Variants in NPEPPS observed in about 807,000 individuals in gnomAD.
The protein encoded by NPEPPS is aminopeptidase puromycin sensitive, also known as puromycin-sensitive aminopeptidase.
Under a neutral mutation model 115.5 loss-of-function variants are expected in NPEPPS, and 14 were observed. The ratio of observed to expected loss-of-function variants is 0.12; its 90% CI spans 0.08 to 0.19. The LOEUF is 0.19. Among genes scored for constraint, NPEPPS ranks in the 10% least tolerant of loss-of-function variants. NPEPPS has a pLI of 1.00. For missense variants in NPEPPS, 523 were observed against 1,110.8 expected, an observed-to-expected ratio of 0.47 and a Z score of 7.52; for synonymous variants, 285 against 390.6, an observed-to-expected ratio of 0.73 and a Z score of 3.19.
chr17:47,527,990 A>G (rs1907509184), upstream of NPEPPS, among the ~76,000 whole-genome samples: 1 of 151,120 alleles, frequency 6.6e-6, no homozygotes, highest in South Asian at 2.1e-4. Context: ...AAAAACATTC[A>G]ATTACAGTTA....
intron 17 of NPEPPS, among the ~76,000 whole-genome samples, chr17:47,611,510 C>T (rs549346652): frequency 7.9e-5 from 12 of 151,422 alleles, no homozygotes; most frequent in Non-Finnish European, 1.6e-4. Flanking sequence ...GGCTGGAGTA[C>T]AGTAGTGTGA....
At position 47,603,954 on chromosome 17, in the gene NPEPPS, A is replaced by T. The variant is rs368712014; in HGVS notation, c.1780A>T (p.Ser594Cys). ...GTVGFYRTQY[S>C]SAMLESLLPG... Reference sequence around the variant, plus strand: ...AGTTGGGTTTTATCGGACCCAGTACAGCTCTGCCATGCTGGAAAGTTTATT... The same window carrying T: ...AGTTGGGTTTTATCGGACCCAGTACTGCTCTGCCATGCTGGAAAGTTTATT... The change falls in exon 16 of 23, where the codon AGC becomes TGC. Residue 594 changes from serine to cysteine, a missense_variant. Ser to Cys is a moderately radical substitution (Grantham distance 112). Transcript: ENST00000322157. 1.1e-5 allele frequency: 18 copies of T among 1,613,360 alleles called. No homozygotes were observed. The highest frequency in any genetic ancestry group is 1.4e-5 in the Non-Finnish European group (17 of 1,179,606).
At chr17:47,523,850 G>T (rs2143627543) in intron 1 of NPEPPS, among the ~76,000 whole-genome samples, 1 of 152,250 alleles carries the variant, frequency 6.6e-6, no homozygotes, top group African/African-American at 2.4e-5. Flanking sequence ...GCTAGGACTT[G>T]TTTTAGGTCA....
At chr17:47,606,990 C>A (rs997821041) in intron 17 of NPEPPS, among the ~76,000 whole-genome samples, 1 of 151,798 alleles carries the variant, frequency 6.6e-6, no homozygotes, top group Non-Finnish European at 1.5e-5. Flanking sequence ...GTCAAGAGTT[C>A]AAGACCAGCC....
rs112883814 is a variant in NPEPPS, at chr17:47,569,187, G to A, written c.341-230G>A. On this transcript the variant is annotated intron_variant, in intron 2 of 22. Coordinates refer to ENST00000322157, the MANE Select transcript of NPEPPS (RefSeq NM_006310.4). Reference sequence around the variant, plus strand: ...GCCTTCTTTCCTGTACATCACTGACGTTTTGTGAATTTTAAAGAATTTGTA... The same window carrying A: ...GCCTTCTTTCCTGTACATCACTGACATTTTGTGAATTTTAAAGAATTTGTA... 5.5e-3 allele frequency among the ~76,000 whole-genome samples: 834 copies of A among 152,102 alleles called. 6 individuals carry two copies. Among genetic ancestry groups the A allele is most frequent in the African/African-American group, 0.019 (804 of 41,496 alleles).
intron 13 of NPEPPS, 141 bp from the exon 14 acceptor site, chr17:47,599,535 G>T: frequency 1.6e-6 from 1 of 643,104 alleles, no homozygotes. Context: ...CATCACAATT[G>T]CATTTTGTAT....
chr17:47,523,443 C>CG (rs1023716956), intron 1 of NPEPPS, among the ~76,000 whole-genome samples: 1 of 149,240 alleles, frequency 6.7e-6, no homozygotes, highest in Non-Finnish European at 1.5e-5. Context: ...TTTTTTGAGA[C>CG]GGGGTCTCGT....
chr17:47,566,047 G>T, intron 2 of NPEPPS, among the ~76,000 whole-genome samples: 1 of 152,182 alleles, frequency 6.6e-6, no homozygotes, highest in East Asian at 1.9e-4. Flanking sequence ...AGATGGGAGT[G>T]CAGTGGCATG....
Position 47,600,142 on chromosome 17 carries a change from T to A in NPEPPS, c.1600+403T>A, listed in dbSNP as rs142067138. ...CATAGAATTACTCTTTTAATGAATATATCTAACAAAGCTGGGCACAGTGGT... is the reference window on the plus strand; with the variant it reads ...CATAGAATTACTCTTTTAATGAATAAATCTAACAAAGCTGGGCACAGTGGT... On this transcript the variant is annotated intron_variant, in intron 14 of 22. Coordinates refer to ENST00000322157, the MANE Select transcript of NPEPPS (RefSeq NM_006310.4). Among the ~76,000 whole-genome samples the A allele has an allele frequency of 1.2e-3, 178 of 152,196 alleles. 2 individuals are homozygous for A. In the East Asian group the frequency reaches 0.03, roughly 25 times the overall value.
chr17:47,582,560 G>T, intron 4 of NPEPPS, 182 bp from the exon 5 acceptor site: 1 of 648,038 alleles, frequency 1.5e-6, no homozygotes, highest in South Asian at 1.5e-5. Flanking sequence ...TGCTGGAATG[G>T]CAGTGGTAGC....
chr17:47,531,927 G>A (rs1254387209), intron 1 of NPEPPS, among the ~76,000 whole-genome samples: 1 of 152,172 alleles, frequency 6.6e-6, no homozygotes. Context: ...GGAGGGTGTT[G>A]GGGGAGGACG....
At chr17:47,551,104 T>A (rs548613021) in intron 2 of NPEPPS, among the ~76,000 whole-genome samples, 1 of 152,322 alleles carries the variant, frequency 6.6e-6, no homozygotes, top group South Asian at 2.1e-4. Flanking sequence ...TCTGAAGATA[T>A]ACTCTTCCAT....
chr17:47,558,468 C>T (rs1467331666), intron 2 of NPEPPS, among the ~76,000 whole-genome samples: 1 of 151,512 alleles, frequency 6.6e-6, no homozygotes, highest in African/African-American at 2.4e-5. Flanking sequence ...CTCGCTCTGT[C>T]ACCCATGCTG....
At chr17:47,586,456 C>G in intron 8 of NPEPPS, 58 bp downstream of exon 8, 1 of 1,282,332 alleles carries the variant, frequency 7.8e-7, no homozygotes, top group South Asian at 1.4e-5. Context: ...TTCAAAAGGG[C>G]TTCCCTCCTA....
At chr17:47,618,886 T>C in intron 20 of NPEPPS, 123 bp from the exon 21 acceptor site, 1 of 880,038 alleles carries the variant, frequency 1.1e-6, no homozygotes, top group South Asian at 1.7e-5. Context: ...TGGTTCCAGT[T>C]ATTCCTAAAA....
intron 19 of NPEPPS, among the ~76,000 whole-genome samples, chr17:47,615,969 A>ATT (rs1260206499): frequency 6.6e-6 from 1 of 152,216 alleles, no homozygotes; most frequent in Non-Finnish European, 1.5e-5. Context: ...CAGAGTTAAA[A>ATT]AACATTAATT....
chr17:47,585,732 G>T (rs1389483636), intron 6 of NPEPPS, 32 bp downstream of exon 6: 12 of 1,479,092 alleles, frequency 8.1e-6, no homozygotes, highest in African/African-American at 2.8e-5. Context: ...TGTTCCAACA[G>T]TCCATAACTC....
intron 2 of NPEPPS, among the ~76,000 whole-genome samples, chr17:47,563,717 C>T (rs547770875): frequency 2.6e-5 from 4 of 151,886 alleles, no homozygotes; most frequent in African/African-American, 7.3e-5. Flanking sequence ...ACTATAGGCA[C>T]GTGCCACCAC....
intron 1 of NPEPPS, among the ~76,000 whole-genome samples, chr17:47,543,041 G>A (rs1339021088): frequency 4.0e-5 from 6 of 151,734 alleles, no homozygotes. Flanking sequence ...AGAGGCTGAG[G>A]CAGGAGAATC....
Sources: allele counts gnomAD v4.1 joint callset (sites outside exome capture counted in the v4.1 genomes callset), GRCh38; gene constraint gnomAD v4.1.1; transcripts MANE v1.5; gene names NCBI Gene and HGNC (gene_info 2026-07-23, HGNC 2026-07-21).